RALYL: variants seen among roughly 807,000 people sequenced by gnomAD.
RALYL encodes RALY RNA binding protein like, also known as RNA-binding Raly-like protein.
In RALYL, 29 loss-of-function variants were observed where a neutral mutation model predicts 35.1. That is an observed-to-expected ratio of 0.83 (90% CI 0.61 to 1.13). RALYL has a LOEUF of 1.13. Among genes scored for constraint, RALYL ranks in the 50% most tolerant of loss-of-function variants. The pLI is 0.00. For synonymous variants in RALYL, 120 were observed against 127.6 expected (o/e 0.94, Z 0.40); for missense variants, 359 against 360.4 (o/e 1.00, Z 0.03).
intron 3 of RALYL, among the ~76,000 whole-genome samples, chr8:84,780,888 C>T (rs987952671): frequency 3.9e-5 from 6 of 152,080 alleles, no homozygotes; most frequent in Admixed American, 3.9e-4. Flanking sequence ...GACAGGGTCT[C>T]GCTTCATCAC....
intron 2 of RALYL, among the ~76,000 whole-genome samples, chr8:84,762,716 C>A (rs2634058): frequency 0.27 from 40,795 of 151,858 alleles, 5,882 homozygotes; most frequent in African/African-American, 0.35. Context: ...ATATCTATAA[C>A]TGGGAATCAA....
intron 2 of RALYL, among the ~76,000 whole-genome samples, chr8:84,766,722 A>C (rs1204476923): frequency 7.1e-6 from 1 of 141,732 alleles, no homozygotes; most frequent in Non-Finnish European, 1.5e-5. Context: ...GACTGTCTCA[A>C]AAAAAAAAAA....
chr8:84,476,987 T>A (rs932261619), intron 1 of RALYL, among the ~76,000 whole-genome samples: 1 of 152,108 alleles, frequency 6.6e-6, no homozygotes, highest in Non-Finnish European at 1.5e-5. Context: ...GAAATAATAA[T>A]ATGGAATAAA....
At chr8:84,720,070 A>T (rs1843613198) in intron 2 of RALYL, among the ~76,000 whole-genome samples, 1 of 152,132 alleles carries the variant, frequency 6.6e-6, no homozygotes, top group Admixed American at 6.6e-5. Flanking sequence ...AGGTTCATGC[A>T]TGTTGTCACA....
intron 2 of RALYL, among the ~76,000 whole-genome samples, chr8:84,720,803 CAAT>C (rs1411454034): frequency 6.6e-6 from 1 of 150,876 alleles, no homozygotes. Context: ...CAAAAAAAAA[CAAT>C]GTGATTAATA....
At chr8:84,331,397 T>A (rs751355330) in intron 1 of RALYL, among the ~76,000 whole-genome samples, 1 of 152,154 alleles carries the variant, frequency 6.6e-6, no homozygotes, top group Non-Finnish European at 1.5e-5. Context: ...AGCATCAAAT[T>A]ACTATAATAA....
chr8:84,247,949 T>G (rs894927964), intron 1 of RALYL, among the ~76,000 whole-genome samples: 5 of 152,146 alleles, frequency 3.3e-5, no homozygotes, highest in Non-Finnish European at 7.4e-5. Context: ...AAGGAATATA[T>G]TTTATAAAAG....
intron 4 of RALYL, chr8:84,828,526 G>C (rs1830175380): frequency 6.5e-6 from 1 of 154,550 alleles, no homozygotes; most frequent in South Asian, 2.1e-4. Flanking sequence ...GGAGAGTATA[G>C]CTTTGTAGGA....
chr8:84,579,273 G>A (rs112753298), intron 2 of RALYL, among the ~76,000 whole-genome samples: 5 of 152,270 alleles, frequency 3.3e-5, no homozygotes, highest in Admixed American at 6.5e-5. Flanking sequence ...ACTTTGCTCC[G>A]CCCACTCCCG....
chr8:84,197,110 A>G (rs1472697899), intron 1 of RALYL, among the ~76,000 whole-genome samples: 1 of 152,228 alleles, frequency 6.6e-6, no homozygotes, highest in East Asian at 1.9e-4. Flanking sequence ...AAACAGAATG[A>G]TATACTTAAC....
intron 1 of RALYL, among the ~76,000 whole-genome samples, chr8:84,394,094 G>A (rs1249739418): frequency 6.6e-6 from 1 of 151,886 alleles, no homozygotes. Context: ...CCCTACTTGT[G>A]CACACTCCAG....
chr8:84,435,799 T>C (rs1325109851), intron 1 of RALYL, among the ~76,000 whole-genome samples: 4 of 152,120 alleles, frequency 2.6e-5, no homozygotes, highest in Non-Finnish European at 4.4e-5. Context: ...CTCCTGAAAA[T>C]AAGGCATTGA....
chr8:84,819,305 A>G (rs954998737), intron 4 of RALYL, among the ~76,000 whole-genome samples: 1 of 152,176 alleles, frequency 6.6e-6, no homozygotes, highest in Admixed American at 6.5e-5. Context: ...GCCTGATGCT[A>G]CAACTGTAAT....
chr8:84,570,086 A>C (rs1564163208), intron 2 of RALYL, among the ~76,000 whole-genome samples: 1 of 151,698 alleles, frequency 6.6e-6, no homozygotes, highest in Admixed American at 6.6e-5. Context: ...TTTTGCTTCC[A>C]TGGGAATTTT....
At chr8:84,449,983 A>G (rs1369603360) in intron 1 of RALYL, among the ~76,000 whole-genome samples, 1 of 151,896 alleles carries the variant, frequency 6.6e-6, no homozygotes, top group Non-Finnish European at 1.5e-5. Flanking sequence ...ACACAGGCTC[A>G]TGTCTGAACG....
chr8:84,764,159 A>C (rs528763983), intron 2 of RALYL, among the ~76,000 whole-genome samples: 2 of 152,340 alleles, frequency 1.3e-5, no homozygotes, highest in East Asian at 1.9e-4. Context: ...GGGTGGTCTC[A>C]CTGATAGTTC....
chr8:84,270,368 CA>C (rs764743676), intron 1 of RALYL, among the ~76,000 whole-genome samples: 1 of 152,050 alleles, frequency 6.6e-6, no homozygotes, highest in African/African-American at 2.4e-5. Context: ...ACACACAAGA[CA>C]AAGGCAAATA....
At chr8:84,225,834 C>T (rs763425904) in intron 1 of RALYL, among the ~76,000 whole-genome samples, 3 of 152,274 alleles carry the variant, frequency 2.0e-5, no homozygotes, top group African/African-American at 4.8e-5. Context: ...AAGACAGAAA[C>T]TATGTATCTC....
chr8:84,416,710 TAAC>T (rs1335989679), intron 1 of RALYL, among the ~76,000 whole-genome samples: 1 of 152,174 alleles, frequency 6.6e-6, no homozygotes, highest in African/African-American at 2.4e-5. Flanking sequence ...GTCTCAGTAT[TAAC>T]AACAGGTCCA....
Sources: allele counts gnomAD v4.1 joint callset (sites outside exome capture counted in the v4.1 genomes callset), GRCh38; gene constraint gnomAD v4.1.1; transcripts MANE v1.5; gene names NCBI Gene and HGNC (gene_info 2026-07-23, HGNC 2026-07-21).